The following FXN variants were observed in gnomAD, a reference collection of about 807,000 sequenced individuals.
FXN encodes the protein frataxin, mitochondrial.
FXN carries 14 observed loss-of-function variants against 22.4 expected under a neutral mutation model. The observed-to-expected ratio is 0.62, with a 90% confidence interval of 0.41 to 0.98. The LOEUF (loss-of-function observed/expected upper bound fraction) is 0.98, where lower values mean the gene tolerates loss of function less well. Ranked by LOEUF, FXN falls within the 50% of genes least tolerant of loss-of-function variation. The pLI, the probability that FXN is intolerant of heterozygous loss-of-function variation, is 0.00. For synonymous variants in FXN, 120 were observed against 114.1 expected (o/e 1.05, Z -0.33); for missense variants, 267 against 268.4 (o/e 0.99, Z 0.04).
At position 69,073,080 on chromosome 9, in the gene FXN, G is replaced by A. The variant is rs984125743; in HGVS notation, c.*318G>A. The A allele has an allele frequency of 8.4e-7, 1 of 1,186,524 alleles. No homozygotes were observed. The highest frequency in any genetic ancestry group is 1.0e-6 in the Non-Finnish European group (1 of 953,400). The allele number at this position is 1,186,524 out of a possible 1,614,324, so 73.5% of individuals were successfully genotyped here. ...CTTTAAAAAAGCAAAATAATAAGAA[G>A]GAAAAATTCCAGGAGGGAAAATGAA... On this transcript the variant is annotated 3_prime_UTR_variant, in exon 5 of 5. Coordinates refer to ENST00000484259, the MANE Select transcript of FXN (RefSeq NM_000144.5).
chr9:69,039,318 T>C (rs1285272634), intron 1 of FXN, among the ~76,000 whole-genome samples: 2 of 152,012 alleles, frequency 1.3e-5, no homozygotes, highest in African/African-American at 4.8e-5. Context: ...TAATTAAAAT[T>C]AAATGAAGTT....
chr9:69,076,944 T>C lies in FXN; in HGVS notation c.*4182T>C. 2 of 970,124 alleles carry C rather than the reference T, an allele frequency of 2.1e-6. No individual in the cohort carries two copies. Among genetic ancestry groups the C allele is most frequent in the Non-Finnish European group, 2.5e-6 (2 of 816,010 alleles). 60.1% of individuals were successfully genotyped at this position (970,124 alleles called of 1,614,324 possible). Reference sequence around the variant, plus strand: ...GCCTTTTCTTTTTTGAGACAGAGTCTTGCTCTGTCACCCAGGCTGGAGTGC... The same window carrying C: ...GCCTTTTCTTTTTTGAGACAGAGTCCTGCTCTGTCACCCAGGCTGGAGTGC... On this transcript the variant is annotated 3_prime_UTR_variant, in exon 5 of 5. Coordinates refer to ENST00000484259, the MANE Select transcript of FXN (RefSeq NM_000144.5).
At chr9:69,046,342 T>G in intron 1 of FXN, 43 bp from the exon 2 acceptor site, 1 of 1,435,796 alleles carries the variant, frequency 7.0e-7, no homozygotes, top group Non-Finnish European at 9.8e-7. Flanking sequence ...TGGGTTATAA[T>G]TCACTGAAAA....
rs564082656 is a variant in FXN at position 69,071,640 on chromosome 9, C to T, written c.483-972C>T. On this transcript the variant is annotated intron_variant, in intron 4 of 4. Transcript: ENST00000484259. ...AGCAACGTGCATGTGCCATTATTCA[C>T]TGGATGAGCTTGAGGTGGATGAACT... Among the ~76,000 whole-genome samples, 3 of 152,342 alleles carry T rather than the reference C, an allele frequency of 2.0e-5. No homozygotes were observed. The East Asian group carries it at 5.8e-4, about 29-fold the overall frequency.
chr9:69,054,995 C>T (rs1831929636), intron 3 of FXN, among the ~76,000 whole-genome samples: 1 of 152,064 alleles, frequency 6.6e-6, no homozygotes, highest in Admixed American at 6.5e-5. Flanking sequence ...GAGGAGGCAA[C>T]CAAGTCTTAG....
chr9:69,053,433 TGCACTCCAGC>T (rs1225498009), intron 3 of FXN, among the ~76,000 whole-genome samples, 173 bp downstream of exon 3: 1 of 151,700 alleles, frequency 6.6e-6, no homozygotes, highest in Non-Finnish European at 1.5e-5. Context: ...ATCACGCCAC[TGCACTCCAGC>T]CTGGGTGACA....
At chr9:69,059,819 T>G (rs1325912638) in intron 3 of FXN, among the ~76,000 whole-genome samples, 1 of 152,184 alleles carries the variant, frequency 6.6e-6, no homozygotes, top group Non-Finnish European at 1.5e-5. Context: ...GAGCTGCAGT[T>G]TCCTCAGCTA....
In FXN at chr9:69,078,623, C is replaced by T; in HGVS notation, c.*5861C>T. ...ACATATAATTATGCTTTTCTACCCCCTCACACTCAACACTTTGACTCCAGC... is the reference window on the plus strand; with the variant it reads ...ACATATAATTATGCTTTTCTACCCCTTCACACTCAACACTTTGACTCCAGC... On this transcript the variant is annotated 3_prime_UTR_variant, in exon 5 of 5. Coordinates refer to ENST00000484259, the MANE Select transcript of FXN (RefSeq NM_000144.5). 1 of 985,866 alleles carries T rather than the reference C, an allele frequency of 1.0e-6. No homozygotes were observed. Among genetic ancestry groups the T allele is most frequent in the Non-Finnish European group, 1.2e-6 (1 of 830,004 alleles). 61.1% of individuals were successfully genotyped at this position (985,866 alleles called of 1,614,324 possible).
rs995393410 is a variant in FXN, at chr9:69,077,828, G to A, written c.*5066G>A. The A allele has an allele frequency of 7.8e-6, 5 of 642,702 alleles. No individual in the cohort carries two copies. The highest frequency in any genetic ancestry group is 2.0e-5 in the African/African-American group (1 of 50,210). The allele number at this position is 642,702 out of a possible 1,614,324, so 39.8% of individuals were successfully genotyped here. On this transcript the variant is annotated 3_prime_UTR_variant, in exon 5 of 5. Transcript: ENST00000484259. The stretch of plus-strand genomic sequence containing the variant: ...GCCTGTTATCCCAGCTACTCGGGAG[G>A]CTGAGGCAGGAGAATTGCTTGAACC...
intron 3 of FXN, among the ~76,000 whole-genome samples, chr9:69,059,783 G>C (rs1430991342): frequency 6.6e-6 from 1 of 152,160 alleles, no homozygotes; most frequent in Non-Finnish European, 1.5e-5. Context: ...CTTTCCAAGA[G>C]TCCTTAAGTG....
At position 69,036,907 on chromosome 9, in the gene FXN, T is replaced by A. The variant is rs374447272; in HGVS notation, c.165+960T>A. Among the ~76,000 whole-genome samples, 6 of 152,168 alleles carry A rather than the reference T, an allele frequency of 3.9e-5. No homozygotes were observed. In the South Asian group the frequency reaches 6.2e-4, roughly 16 times the overall value. ...AGGGTGTTTCACGAGGAGGGAACCGTCTGGGCAAAGGCCAGGAAGGCGGAA... is the reference window on the plus strand; with the variant it reads ...AGGGTGTTTCACGAGGAGGGAACCGACTGGGCAAAGGCCAGGAAGGCGGAA... On this transcript the variant is annotated intron_variant, in intron 1 of 4. Coordinates refer to ENST00000484259, the MANE Select transcript of FXN (RefSeq NM_000144.5).
At chr9:69,047,172 G>T (rs1250031444) in intron 2 of FXN, among the ~76,000 whole-genome samples, 1 of 152,104 alleles carries the variant, frequency 6.6e-6, no homozygotes, top group East Asian at 1.9e-4. Flanking sequence ...TATCTGCATG[G>T]ACCCTCCTTC....
chr9:69,038,113 G>A (rs1382612954), intron 1 of FXN, among the ~76,000 whole-genome samples: 8 of 152,238 alleles, frequency 5.3e-5, no homozygotes, highest in Non-Finnish European at 1.0e-4. Flanking sequence ...AGCAACCTCT[G>A]TCACCAGCTG....
intron 1 of FXN, among the ~76,000 whole-genome samples, chr9:69,045,920 C>T (rs1831744220): frequency 6.6e-6 from 1 of 152,210 alleles, no homozygotes; most frequent in Admixed American, 6.5e-5. Flanking sequence ...TAGTAATAAG[C>T]TGTAGCAGTG....
rs78598719 is a variant in FXN at position 69,073,637 on chromosome 9, G to T, written c.*875G>T. On this transcript the variant is annotated 3_prime_UTR_variant, in exon 5 of 5. Coordinates refer to ENST00000484259, the MANE Select transcript of FXN (RefSeq NM_000144.5). Reference sequence around the variant, plus strand: ...GAGCCCTGGTCCTAGACATAGTTCAGCCACAAAGTAGTTGTCCCTTTGTGG... The same window carrying T: ...GAGCCCTGGTCCTAGACATAGTTCATCCACAAAGTAGTTGTCCCTTTGTGG... 3.9e-4 allele frequency: 380 copies of T among 985,364 alleles called. 3 individuals carry two copies. In the African/African-American group the frequency reaches 5.1e-3, roughly 13 times the overall value. 61.0% of individuals were successfully genotyped at this position (985,364 alleles called of 1,614,324 possible). A position where few individuals can be genotyped will look rare whatever the true frequency, so the allele number is the denominator to read the frequency against.
At chr9:69,051,695 A>G (rs1260611574) in intron 2 of FXN, among the ~76,000 whole-genome samples, 1 of 152,198 alleles carries the variant, frequency 6.6e-6, no homozygotes, top group Non-Finnish European at 1.5e-5. Context: ...ATATTTACAT[A>G]ACCAGTTACA....
intron 3 of FXN, among the ~76,000 whole-genome samples, chr9:69,057,546 G>A (rs1007821325): frequency 3.3e-5 from 5 of 152,242 alleles, no homozygotes; most frequent in African/African-American, 1.2e-4. Flanking sequence ...TGTAGATTTA[G>A]AAAGCTAAAG....
chr9:69,048,657 G>T (rs1831801193), intron 2 of FXN, among the ~76,000 whole-genome samples: 1 of 151,754 alleles, frequency 6.6e-6, no homozygotes, highest in Non-Finnish European at 1.5e-5. Flanking sequence ...TTCCACGTTT[G>T]TGCAGCCTTT....
intron 1 of FXN, among the ~76,000 whole-genome samples, chr9:69,040,733 T>G (rs186770784): frequency 6.6e-6 from 1 of 152,300 alleles, no homozygotes; most frequent in Admixed American, 6.5e-5. Flanking sequence ...AATGCTATGG[T>G]CTGCATGTTT....
Sources: allele counts gnomAD v4.1 joint callset (sites outside exome capture counted in the v4.1 genomes callset), GRCh38; gene constraint gnomAD v4.1.1; transcripts MANE v1.5; gene names NCBI Gene and HGNC (gene_info 2026-07-23, HGNC 2026-07-21).